The following PHF14 variants were observed in gnomAD, a reference collection of about 807,000 sequenced individuals.
The protein encoded by PHF14 is PHD finger protein 14.
A neutral mutation model predicts 117.9 loss-of-function variants in PHF14; 55 were observed. The observed-to-expected ratio is 0.47, with a 90% CI of 0.38 to 0.58. PHF14 has a LOEUF of 0.58. PHF14 is among the 20% of genes least tolerant of loss of function. The pLI is 0.00. For synonymous variants in PHF14, 409 were observed against 368.6 expected, an observed-to-expected ratio of 1.11 and a Z score of -1.26; for missense variants, 978 against 1,122.2, an observed-to-expected ratio of 0.87 and a Z score of 1.84.
In PHF14 at chr7:11,103,875, T is replaced by C. The variant is rs539703157; in HGVS notation, c.2655-7475T>C. ...TAGCTTATTGAAAGATCTCATAACA[T>C]TGGAGGAAAAATATTCATAATCTTT... On this transcript the variant is annotated intron_variant, in intron 16 of 17. Transcript: ENST00000634607. 6 of 981,270 alleles carry C rather than the reference T, an allele frequency of 6.1e-6. No homozygotes were observed. The African/African-American group carries it at 1.0e-4, about 17-fold the overall frequency. 60.8% of individuals were successfully genotyped at this position (981,270 alleles called of 1,614,324 possible).
chr7:11,035,947 G>A (rs1784312218), intron 8 of PHF14, among the ~76,000 whole-genome samples, 161 bp downstream of exon 8: 1 of 152,052 alleles, frequency 6.6e-6, no homozygotes, highest in African/African-American at 2.4e-5. Flanking sequence ...ATAATTTTTG[G>A]CTGAATACAG....
At chr7:11,040,043 A>C (rs1247126432) in intron 11 of PHF14, among the ~76,000 whole-genome samples, 4 of 152,194 alleles carry the variant, frequency 2.6e-5, no homozygotes, top group Non-Finnish European at 5.9e-5. Flanking sequence ...AAAGACTTTT[A>C]ACAGAGGTTT....
intron 16 of PHF14, among the ~76,000 whole-genome samples, chr7:11,089,701 A>G (rs1786564475): frequency 6.6e-6 from 1 of 151,968 alleles, no homozygotes; most frequent in Non-Finnish European, 1.5e-5. Flanking sequence ...TTGCCTCATG[A>G]ATATACTATT....
chr7:11,080,957 T>A (rs1000185328), intron 16 of PHF14, among the ~76,000 whole-genome samples: 4 of 152,208 alleles, frequency 2.6e-5, no homozygotes, highest in African/African-American at 9.6e-5. Context: ...TGATTTGGCC[T>A]AAGGTGATAG....
intron 16 of PHF14, chr7:11,110,388 A>G (rs1313109659): frequency 6.3e-6 from 1 of 159,674 alleles, no homozygotes; most frequent in Non-Finnish European, 1.3e-5. Flanking sequence ...AAACTATGAA[A>G]TGAGGAATGT....
chr7:11,073,109 A>G (rs1027642219), intron 16 of PHF14, among the ~76,000 whole-genome samples: 2 of 152,056 alleles, frequency 1.3e-5, no homozygotes, highest in Admixed American at 6.6e-5. Context: ...CCCCAGTTTT[A>G]TCTTCTCCAC....
chr7:11,104,087 T>C, intron 16 of PHF14: 4 of 984,812 alleles, frequency 4.1e-6, no homozygotes, highest in Non-Finnish European at 4.8e-6. Flanking sequence ...TAATATTTAG[T>C]GAGAAATTAC....
Position 11,111,422 on chromosome 7 carries a change from A to G in PHF14, c.2727A>G (p.Thr909=), listed in dbSNP as rs749101263. 6.2e-7 allele frequency: 1 copy of G among 1,607,070 alleles called. No individual in the cohort carries two copies. The highest frequency in any genetic ancestry group is 8.5e-7 in the Non-Finnish European group (1 of 1,175,326). The change falls in exon 17 of 18, where the codon ACA becomes ACG. Residue 909 remains threonine (T), a synonymous_variant. Coordinates refer to ENST00000634607, the MANE Select transcript of PHF14 (RefSeq NM_001007157.2). ...DPPLKKSPKQ[T]GYGWICQECD... ...CTTTGAAAAAGTCTCCTAAACAGAC[A>G]GGCTACGGATGGATATGTCAGGAAT... is the stretch of plus-strand genomic sequence containing the variant.
intron 17 of PHF14, among the ~76,000 whole-genome samples, chr7:11,120,050 T>G (rs77789469): frequency 2.1e-4 from 9 of 42,888 alleles, no homozygotes; most frequent in African/African-American, 1.0e-3. Context: ...ATAATAGTTA[T>G]TTTTTCCCAA....
intron 16 of PHF14, among the ~76,000 whole-genome samples, chr7:11,100,637 G>T (rs1474303829): frequency 2.0e-5 from 3 of 151,934 alleles, no homozygotes; most frequent in Non-Finnish European, 4.4e-5. Context: ...ATGCCAGTCA[G>T]TGTGCTAGTG....
At chr7:11,119,226 AT>A (rs1207788290) in intron 17 of PHF14, among the ~76,000 whole-genome samples, 1 of 151,844 alleles carries the variant, frequency 6.6e-6, no homozygotes, top group East Asian at 1.9e-4. Flanking sequence ...GTAGTTTAAA[AT>A]TTTTTTGTGT....
chr7:10,979,160 G>A (rs955066902), intron 2 of PHF14, among the ~76,000 whole-genome samples: 1 of 152,060 alleles, frequency 6.6e-6, no homozygotes, highest in African/African-American at 2.4e-5. Context: ...GGATATAATG[G>A]TATTGATGGT....
intron 17 of PHF14, among the ~76,000 whole-genome samples, chr7:11,167,968 G>A (rs1789252171): frequency 6.6e-6 from 1 of 150,672 alleles, no homozygotes; most frequent in African/African-American, 2.4e-5. Flanking sequence ...GGAGCTTGCA[G>A]TGAGCAGAGA....
At chr7:11,137,619 G>A (rs1366099688) in intron 17 of PHF14, among the ~76,000 whole-genome samples, 4 of 135,372 alleles carry the variant, frequency 3.0e-5, no homozygotes, top group African/African-American at 1.1e-4. Context: ...TTTTGAGACG[G>A]AGTTTTGCTC....
chr7:10,983,111 G>T lies in PHF14; in HGVS notation c.852G>T (p.Glu284Asp). ...TTAGCAGAAACAGTGCTGATGATGA[G>T]GAACTGACCAATGATAGCCTGACCC... ...KVLSRNSADD[E>D]ELTNDSLTLS... The change falls in exon 3 of 18, where the codon GAG (glutamate) becomes GAT (aspartate). Residue 284 changes from glutamate to aspartate, a missense_variant. Physicochemically the swap from Glu to Asp is conservative, Grantham distance 45. This residue lies in a region of PHF14 where 414 missense variants were observed against 376.4 expected (regional missense o/e 1.10). Coordinates refer to ENST00000634607, the MANE Select transcript of PHF14 (RefSeq NM_001007157.2). 1 of 1,599,222 alleles carries T rather than the reference G, an allele frequency of 6.3e-7. No homozygotes were observed. Among genetic ancestry groups the T allele is most frequent in the African/African-American group, 1.3e-5 (1 of 75,008 alleles).
intron 16 of PHF14, among the ~76,000 whole-genome samples, chr7:11,084,694 T>A (rs891455203): frequency 1.2e-4 from 19 of 152,140 alleles, no homozygotes; most frequent in Admixed American, 6.5e-4. Flanking sequence ...ATATGCATAT[T>A]TTACATGTTA....
intron 16 of PHF14, among the ~76,000 whole-genome samples, chr7:11,091,123 T>C (rs1786627016): frequency 1.3e-5 from 2 of 152,280 alleles, no homozygotes; most frequent in African/African-American, 2.4e-5. Flanking sequence ...GATGAACACA[T>C]GGGCAGCTGG....
chr7:10,981,218 G>T (rs1372714626), intron 2 of PHF14, among the ~76,000 whole-genome samples: 1 of 152,064 alleles, frequency 6.6e-6, no homozygotes, highest in Non-Finnish European at 1.5e-5. Context: ...TTAAAATGAT[G>T]TGGAAACACT....
At chr7:11,138,263 G>A (rs372587045) in intron 17 of PHF14, among the ~76,000 whole-genome samples, 562 of 151,566 alleles carry the variant, frequency 3.7e-3, no homozygotes, top group African/African-American at 0.013. Flanking sequence ...GGATGGTCTC[G>A]ATCTCCTGAC....
Sources: allele counts gnomAD v4.1 joint callset (sites outside exome capture counted in the v4.1 genomes callset), GRCh38; gene constraint gnomAD v4.1.1; regional missense constraint gnomAD v4.1.1; transcripts MANE v1.5; gene names NCBI Gene and HGNC (gene_info 2026-07-23, HGNC 2026-07-21).